The following LRMDA variants were observed in gnomAD, a reference collection of about 807,000 sequenced individuals.
LRMDA encodes leucine rich melanocyte differentiation associated, also known as leucine-rich melanocyte differentiation-associated protein.
A neutral mutation model predicts 29.8 loss-of-function variants in LRMDA; 18 were observed. That is an observed-to-expected ratio of 0.60 (90% CI 0.42 to 0.90). The LOEUF is 0.90. Among genes scored for constraint, LRMDA ranks in the 40% least tolerant of loss-of-function variants. LRMDA has a pLI of 0.00. For missense variants in LRMDA, 273 were observed against 273.9 expected (o/e 1.00, Z 0.02); for synonymous variants, 125 against 109.4 (o/e 1.14, Z -0.89).
intron 2 of LRMDA, among the ~76,000 whole-genome samples, chr10:75,624,744 T>C (rs1049633167): frequency 6.6e-6 from 1 of 152,194 alleles, no homozygotes; most frequent in African/African-American, 2.4e-5. Flanking sequence ...TTTAAAGCAG[T>C]GGGCACATTT....
At chr10:76,151,443 C>A (rs531976040) in intron 5 of LRMDA, among the ~76,000 whole-genome samples, 1 of 152,024 alleles carries the variant, frequency 6.6e-6, no homozygotes, top group African/African-American at 2.4e-5. Context: ...TTGAAATAAT[C>A]GTATTTGTTT....
intron 5 of LRMDA, among the ~76,000 whole-genome samples, chr10:76,213,350 T>G (rs1851670223): frequency 6.6e-6 from 1 of 152,216 alleles, no homozygotes; most frequent in Non-Finnish European, 1.5e-5. Context: ...AAGACCCTGG[T>G]TGTATCCATT....
intron 2 of LRMDA, among the ~76,000 whole-genome samples, chr10:75,698,470 A>G (rs1222744013): frequency 3.3e-5 from 5 of 152,202 alleles, no homozygotes; most frequent in Admixed American, 2.0e-4. Context: ...AGCAGGGAAT[A>G]AGCTGAAACA....
chr10:76,030,930 G>C (rs565803137), intron 2 of LRMDA, among the ~76,000 whole-genome samples: 1 of 152,288 alleles, frequency 6.6e-6, no homozygotes, highest in African/African-American at 2.4e-5. Context: ...TGTGGCTTTT[G>C]CCATGCCTTT....
At chr10:76,425,639 C>T (rs1842116605) in intron 6 of LRMDA, among the ~76,000 whole-genome samples, 1 of 151,626 alleles carries the variant, frequency 6.6e-6, no homozygotes, top group Non-Finnish European at 1.5e-5. Context: ...TTCTAGGGTA[C>T]ATGTGCACAA....
chr10:75,581,067 A>G (rs914291586), intron 2 of LRMDA, among the ~76,000 whole-genome samples: 3 of 152,210 alleles, frequency 2.0e-5, no homozygotes, highest in African/African-American at 7.2e-5. Context: ...AAATAGACAA[A>G]TGGGATCTAA....
In LRMDA at chr10:75,607,073, G is replaced by A. The variant is rs377601422; in HGVS notation, c.131+168579G>A. ...ATTTTGTAGCTTCCAAATTTATGCA[G>A]CCACTTGAATTAGATATCAAAGTCT... On this transcript the variant is annotated intron_variant, in intron 2 of 6. Transcript: ENST00000611255. Among the ~76,000 whole-genome samples, 10 of 152,308 alleles carry A rather than the reference G, an allele frequency of 6.6e-5. No homozygotes were observed. In the East Asian group the frequency reaches 1.2e-3, roughly 18 times the overall value.
chr10:75,920,855 A>AGTT (rs1393192458), intron 2 of LRMDA, among the ~76,000 whole-genome samples: 5 of 152,198 alleles, frequency 3.3e-5, no homozygotes, highest in Non-Finnish European at 4.4e-5. Flanking sequence ...AGCTTCGCGC[A>AGTT]GTTGCAGGCA....
intron 2 of LRMDA, chr10:75,743,692 G>A (rs149829826): frequency 6.6e-6 from 1 of 152,266 alleles, no homozygotes; most frequent in African/African-American, 2.4e-5. Flanking sequence ...GAGAGATGAG[G>A]CAAACGTTTA....
intron 2 of LRMDA, among the ~76,000 whole-genome samples, chr10:75,734,759 G>A (rs953837034): frequency 6.6e-6 from 1 of 152,228 alleles, no homozygotes; most frequent in Admixed American, 6.5e-5. Context: ...CCAGCAGGCT[G>A]TGGTATCAGA....
At chr10:76,061,280 C>G (rs1848697739) in intron 5 of LRMDA, among the ~76,000 whole-genome samples, 1 of 152,086 alleles carries the variant, frequency 6.6e-6, no homozygotes, top group South Asian at 2.1e-4. Flanking sequence ...AACAGAAAAA[C>G]AAATACATAT....
intron 6 of LRMDA, among the ~76,000 whole-genome samples, chr10:76,369,670 G>A (rs1257782404): frequency 4.6e-5 from 7 of 152,072 alleles, no homozygotes; most frequent in African/African-American, 1.2e-4. Flanking sequence ...TTGCAAGGCC[G>A]GGAGAGTTTG....
At chr10:76,048,327 A>AT (rs1848475441) in intron 4 of LRMDA, among the ~76,000 whole-genome samples, 1 of 152,044 alleles carries the variant, frequency 6.6e-6, no homozygotes. Flanking sequence ...AGTTTTTGTA[A>AT]TTTTTTTCTA....
rs373967487 is a variant in LRMDA at position 76,472,308 on chromosome 10, C to T, written c.602-84901C>T. 3.3e-5 allele frequency among the ~76,000 whole-genome samples: 5 copies of T among 151,596 alleles called. No individual in the cohort carries two copies. The South Asian group carries it at 8.3e-4, about 25-fold the overall frequency. On this transcript the variant is annotated intron_variant, in intron 6 of 6. Transcript: ENST00000611255. ...AGAATATAACACATTGCTGAATTGC[C>T]ATTAGTCAAAGAAGAAGCAATAAAG...
At chr10:76,165,244 A>T (rs1391745719) in intron 5 of LRMDA, among the ~76,000 whole-genome samples, 7 of 152,186 alleles carry the variant, frequency 4.6e-5, no homozygotes, top group Admixed American at 3.9e-4. Context: ...AAGTACTGGG[A>T]TTACAGGCGT....
intron 2 of LRMDA, among the ~76,000 whole-genome samples, chr10:76,023,467 G>T (rs1848011469): frequency 6.6e-6 from 1 of 152,174 alleles, no homozygotes; most frequent in South Asian, 2.1e-4. Flanking sequence ...GGGATAGTCT[G>T]CCAGTCTCAT....
chr10:75,828,065 G>A (rs1844276608), intron 2 of LRMDA, among the ~76,000 whole-genome samples: 1 of 152,150 alleles, frequency 6.6e-6, no homozygotes, highest in South Asian at 2.1e-4. Flanking sequence ...TCTTGGGACT[G>A]ATGTGTTGAA....
At chr10:75,593,809 G>A (rs1197034617) in intron 2 of LRMDA, among the ~76,000 whole-genome samples, 1 of 152,018 alleles carries the variant, frequency 6.6e-6, no homozygotes, top group African/African-American at 2.4e-5. Flanking sequence ...GCCCCTTGGG[G>A]GCGCCAGACA....
At chr10:76,170,566 A>T (rs921720347) in intron 5 of LRMDA, among the ~76,000 whole-genome samples, 1 of 152,248 alleles carries the variant, frequency 6.6e-6, no homozygotes. Context: ...TAAAGCAGAG[A>T]TAATACTGCT....
Sources: gnomAD v4.1 joint callset for allele counts (sites outside exome capture counted in the v4.1 genomes callset) on GRCh38, gnomAD v4.1.1 for gene constraint, MANE v1.5 for transcripts, NCBI Gene and HGNC (gene_info 2026-07-23, HGNC 2026-07-21) for gene names.